The following MTUS2 variants were observed in gnomAD, a reference collection of about 807,000 sequenced individuals.
MTUS2 encodes the protein microtubule-associated tumor suppressor candidate 2.
In MTUS2, 40 loss-of-function variants were observed where a neutral mutation model predicts 114.1. That is an observed-to-expected ratio of 0.35 (90% CI 0.27 to 0.46). The LOEUF is 0.46. Ranked by LOEUF, MTUS2 falls within the 20% of genes least tolerant of loss-of-function variation. The probability of loss-of-function intolerance (pLI) is 1.00; values close to 1 mark genes in which losing one functional copy is unlikely to be tolerated. For missense variants in MTUS2, 1,679 were observed against 1,705.4 expected, an observed-to-expected ratio of 0.98 and a Z score of 0.27; for synonymous variants, 688 against 672.0, an observed-to-expected ratio of 1.02 and a Z score of -0.37.
At chr13:28,831,932 AT>A (rs556746551) in intron 1 of MTUS2, among the ~76,000 whole-genome samples, 100 of 144,178 alleles carry the variant, frequency 6.9e-4, no homozygotes, top group South Asian at 1.3e-3. Context: ...ATTTTTTTGT[AT>A]TTTTTTTTTT....
chr13:29,243,235 G>T (rs1418903849), intron 5 of MTUS2, among the ~76,000 whole-genome samples: 9 of 152,276 alleles, frequency 5.9e-5, no homozygotes, highest in Non-Finnish European at 1.3e-4. Flanking sequence ...GAGAAAAGCT[G>T]AAGCTGAGCC....
At chr13:28,998,723 C>T (rs576434584) in intron 2 of MTUS2, among the ~76,000 whole-genome samples, 1 of 152,294 alleles carries the variant, frequency 6.6e-6, no homozygotes, top group African/African-American at 2.4e-5. Context: ...AGTTCTTGTG[C>T]CATAGTTTTC....
chr13:28,868,977 C>G (rs1437693917), intron 2 of MTUS2, among the ~76,000 whole-genome samples: 1 of 152,116 alleles, frequency 6.6e-6, no homozygotes, highest in African/African-American at 2.4e-5. Flanking sequence ...TCCCTTTACT[C>G]TTAGGTGCAA....
intron 2 of MTUS2, among the ~76,000 whole-genome samples, chr13:28,905,328 G>T (rs1321079136): frequency 6.6e-6 from 1 of 151,516 alleles, no homozygotes; most frequent in African/African-American, 2.4e-5. Context: ...TCCCTGTCTT[G>T]TGCCTCTTTT....
At chr13:29,288,633 C>A (rs1219923849) in intron 6 of MTUS2, among the ~76,000 whole-genome samples, 3 of 152,160 alleles carry the variant, frequency 2.0e-5, no homozygotes, top group African/African-American at 4.8e-5. Flanking sequence ...AAGCCAGGCC[C>A]TGCAGCATGG....
At chr13:29,499,065 G>A (rs1451848171) in intron 14 of MTUS2, among the ~76,000 whole-genome samples, 2 of 152,136 alleles carry the variant, frequency 1.3e-5, no homozygotes, top group Admixed American at 6.5e-5. Context: ...CATTCACAGG[G>A]GCTCACCCTC....
At chr13:29,127,028 T>C (rs1891548400) in intron 5 of MTUS2, among the ~76,000 whole-genome samples, 1 of 152,216 alleles carries the variant, frequency 6.6e-6, no homozygotes. Context: ...GGGTGCCCTC[T>C]CCGTCTGGGC....
intron 14 of MTUS2, among the ~76,000 whole-genome samples, chr13:29,498,897 G>A (rs893322921): frequency 3.9e-5 from 6 of 152,140 alleles, no homozygotes; most frequent in Admixed American, 6.5e-5. Context: ...CCGAGCCTGC[G>A]CCTAACTCCT....
Position 29,503,205 on chromosome 13 carries a change from G to A in MTUS2, c.4109G>A (p.Ter1370=), listed in dbSNP as rs1279947612. The A allele has an allele frequency of 1.2e-6, 2 of 1,613,636 alleles. No homozygotes were observed. Among genetic ancestry groups the A allele is most frequent in the Non-Finnish European group, 1.7e-6 (2 of 1,180,036 alleles). ...GCCAGAGTCAGCACAACACCCAGAT[G>A]ACGCCACTACACGGCCTGCGGGAGC... ...SPARVSTTPR[*] Residue 1370 remains the stop codon, a stop_retained_variant, in exon 16 of 16, where the codon TGA becomes TAA. Coordinates refer to ENST00000612955, the MANE Select transcript of MTUS2 (RefSeq NM_001033602.4).
chr13:29,459,015 C>G (rs1879303299), intron 9 of MTUS2, among the ~76,000 whole-genome samples: 1 of 152,166 alleles, frequency 6.6e-6, no homozygotes, highest in Non-Finnish European at 1.5e-5. Context: ...ATATTTCAGC[C>G]TAAGGGAAAG....
At chr13:29,124,617 A>G (rs1429216050) in intron 5 of MTUS2, among the ~76,000 whole-genome samples, 1 of 152,238 alleles carries the variant, frequency 6.6e-6, no homozygotes, top group Non-Finnish European at 1.5e-5. Flanking sequence ...GCTTGTGAAG[A>G]GATATTTATG....
At chr13:29,044,689 C>T (rs1013381029) in intron 4 of MTUS2, among the ~76,000 whole-genome samples, 6 of 152,112 alleles carry the variant, frequency 3.9e-5, no homozygotes, top group Admixed American at 1.3e-4. Context: ...CTTTCTGTTT[C>T]CCTTTCTTTT....
At chr13:29,070,365 G>C (rs1344035513) in intron 4 of MTUS2, among the ~76,000 whole-genome samples, 1 of 152,114 alleles carries the variant, frequency 6.6e-6, no homozygotes, top group Non-Finnish European at 1.5e-5. Context: ...CAAACTTGCA[G>C]AATGTTAATA....
chr13:28,987,128 C>T (rs1178510471), intron 2 of MTUS2, among the ~76,000 whole-genome samples: 2 of 152,184 alleles, frequency 1.3e-5, no homozygotes, highest in South Asian at 2.1e-4. Context: ...AAGCTGGACC[C>T]CTCGGACTCT....
At chr13:29,260,372 A>T (rs1352360263) in intron 5 of MTUS2, among the ~76,000 whole-genome samples, 1 of 152,212 alleles carries the variant, frequency 6.6e-6, no homozygotes, top group Non-Finnish European at 1.5e-5. Flanking sequence ...TCTGACTGAG[A>T]CTGAGCAGAA....
At chr13:28,941,069 CA>C (rs5802498) in intron 2 of MTUS2, among the ~76,000 whole-genome samples, 9 of 149,128 alleles carry the variant, frequency 6.0e-5, no homozygotes, top group African/African-American at 2.0e-4. Flanking sequence ...TACTACAAAG[CA>C]AAAAAAAAAA....
intron 9 of MTUS2, among the ~76,000 whole-genome samples, chr13:29,469,767 A>G (rs952266670): frequency 5.9e-5 from 9 of 151,994 alleles, no homozygotes; most frequent in Non-Finnish European, 1.0e-4. Flanking sequence ...TGATTGTGCC[A>G]CTGCACTCCA....
intron 4 of MTUS2, among the ~76,000 whole-genome samples, chr13:29,079,741 C>G (rs1424031720): frequency 6.6e-6 from 1 of 152,156 alleles, no homozygotes; most frequent in African/African-American, 2.4e-5. Context: ...TAATTCTGTT[C>G]TACTTAGCTA....
chr13:28,911,879 T>G (rs1289031748), intron 2 of MTUS2, among the ~76,000 whole-genome samples: 1 of 148,078 alleles, frequency 6.8e-6, no homozygotes, highest in Non-Finnish European at 1.5e-5. Context: ...TTTGTTTACA[T>G]TTTTTGTAGG....
Sources: allele counts gnomAD v4.1 joint callset (sites outside exome capture counted in the v4.1 genomes callset), GRCh38; gene constraint gnomAD v4.1.1; transcripts MANE v1.5; gene names NCBI Gene and HGNC (gene_info 2026-07-23, HGNC 2026-07-21).